PTPRM: variants seen among roughly 807,000 people sequenced by gnomAD.
PTPRM encodes receptor-type tyrosine-protein phosphatase mu.
In PTPRM, 47 loss-of-function variants were observed where a neutral mutation model predicts 186.7. The observed-to-expected ratio is 0.25, with a 90% CI of 0.20 to 0.32. The LOEUF is 0.32. Ranked by LOEUF, PTPRM falls within the 10% of genes least tolerant of loss-of-function variation. The probability of loss-of-function intolerance (pLI) is 1.00; values close to 1 mark genes in which losing one functional copy is unlikely to be tolerated. For synonymous variants in PTPRM, 668 were observed against 674.9 expected (o/e 0.99, Z 0.16); for missense variants, 1,494 against 1,865.0 (o/e 0.80, Z 3.66).
Position 7,949,155 on chromosome 18 carries a change from T to G in PTPRM, c.664-26T>G, listed in dbSNP as rs773146960. On this transcript the variant is annotated intron_variant, in intron 5 of 32. Coordinates refer to ENST00000580170, the MANE Select transcript of PTPRM (RefSeq NM_001105244.2). Reference sequence around the variant, plus strand: ...TCTGACAGCTTATATTGCTTCTTTTTGTCCTCCCCACCCCACTTGATACAG... The same window carrying G: ...TCTGACAGCTTATATTGCTTCTTTTGGTCCTCCCCACCCCACTTGATACAG... 3 of 1,548,800 alleles carry G rather than the reference T, an allele frequency of 1.9e-6. No individual in the cohort carries two copies. The East Asian group carries it at 6.8e-5, about 35-fold the overall frequency.
chr18:7,646,534 C>G (rs910062032), intron 1 of PTPRM, among the ~76,000 whole-genome samples: 6 of 152,178 alleles, frequency 3.9e-5, no homozygotes, highest in Admixed American at 1.3e-4. Context: ...TGACTTATCT[C>G]TCGTATACTG....
At chr18:8,210,290 G>A (rs764924533) in intron 14 of PTPRM, among the ~76,000 whole-genome samples, 20 of 152,184 alleles carry the variant, frequency 1.3e-4, no homozygotes, top group South Asian at 8.3e-4. Flanking sequence ...CAGCCAAGGC[G>A]ACAGAGAGAG....
In PTPRM at chr18:8,380,576, G is replaced by A. The variant is rs79892260; in HGVS notation, c.3918+149G>A. 2,306 of 937,844 alleles carry A rather than the reference G, an allele frequency of 2.5e-3. 32 individuals carry two copies. In the African/African-American group the frequency reaches 0.034, roughly 14 times the overall value. The allele number at this position is 937,844 out of a possible 1,614,324, so 58.1% of individuals were successfully genotyped here. A position where few individuals can be genotyped will look rare whatever the true frequency, so the allele number is the denominator to read the frequency against. ...GAGAACTGGGGATGCTGAACACAAC[G>A]GTTAAAAATCAGGCGGAATTAGGGG... On this transcript the variant is annotated intron_variant, in intron 29 of 32. Coordinates refer to ENST00000580170, the MANE Select transcript of PTPRM (RefSeq NM_001105244.2).
At chr18:8,182,569 A>G (rs1219276534) in intron 14 of PTPRM, among the ~76,000 whole-genome samples, 5 of 152,254 alleles carry the variant, frequency 3.3e-5, no homozygotes, top group Admixed American at 3.3e-4. Context: ...CTTTTCAGAT[A>G]TATAGATGTC....
chr18:7,776,947 A>C (rs147299938), intron 2 of PTPRM, among the ~76,000 whole-genome samples: 2 of 150,076 alleles, frequency 1.3e-5, no homozygotes, highest in East Asian at 4.0e-4. Context: ...ATAAGTTTTA[A>C]ATGCTTCTTA....
intron 19 of PTPRM, among the ~76,000 whole-genome samples, chr18:8,260,418 C>A (rs73394099): frequency 0.017 from 2,553 of 152,200 alleles, 68 homozygotes; most frequent in African/African-American, 0.059. Context: ...CCCACCTCAG[C>A]CCCACAAAGT....
Position 7,977,459 on chromosome 18 carries a change from A to G in PTPRM, c.1132+22045A>G, listed in dbSNP as rs143192776. Among the ~76,000 whole-genome samples the G allele has an allele frequency of 4.5e-4, 69 of 152,190 alleles. No individual in the cohort carries two copies. In the East Asian group the frequency reaches 0.013, roughly 29 times the overall value. On this transcript the variant is annotated intron_variant, in intron 7 of 32. Transcript: ENST00000580170. Reference sequence around the variant, plus strand: ...CCTCACACGTGCACACCTTGCAAGCAGAGGCACCGATGGCCTTTGTTCTGG... The same window carrying G: ...CCTCACACGTGCACACCTTGCAAGCGGAGGCACCGATGGCCTTTGTTCTGG...
At chr18:8,158,351 C>G (rs1307362336) in intron 14 of PTPRM, among the ~76,000 whole-genome samples, 1 of 152,114 alleles carries the variant, frequency 6.6e-6, no homozygotes, top group Non-Finnish European at 1.5e-5. Context: ...TGTTTTGATT[C>G]ATGTTGATGT....
At chr18:8,132,909 T>C (rs1319751897) in intron 13 of PTPRM, among the ~76,000 whole-genome samples, 4 of 152,190 alleles carry the variant, frequency 2.6e-5, no homozygotes, top group African/African-American at 9.6e-5. Flanking sequence ...GATTTTGTCT[T>C]AGTCTGTTTT....
chr18:7,677,577 G>C (rs2039374472), intron 1 of PTPRM, among the ~76,000 whole-genome samples: 1 of 152,076 alleles, frequency 6.6e-6, no homozygotes, highest in South Asian at 2.1e-4. Flanking sequence ...CTGAGTTCTT[G>C]GTACACGTGG....
At chr18:7,972,374 G>A (rs2054589476) in intron 7 of PTPRM, among the ~76,000 whole-genome samples, 1 of 128,498 alleles carries the variant, frequency 7.8e-6, no homozygotes, top group Non-Finnish European at 1.6e-5. Flanking sequence ...TGACGATTTA[G>A]TGGGTGCAGC....
chr18:8,279,821 C>T (rs760068521), intron 19 of PTPRM, among the ~76,000 whole-genome samples: 1 of 152,206 alleles, frequency 6.6e-6, no homozygotes, highest in Non-Finnish European at 1.5e-5. Flanking sequence ...CCTAAGATGA[C>T]ATCCCCAGAA....
chr18:8,263,861 G>A (rs913751931), intron 19 of PTPRM, among the ~76,000 whole-genome samples: 1 of 152,214 alleles, frequency 6.6e-6, no homozygotes, highest in East Asian at 1.9e-4. Flanking sequence ...TGTTCGTGTG[G>A]TTGCTTGCCT....
At chr18:8,279,590 T>C (rs1421563888) in intron 19 of PTPRM, among the ~76,000 whole-genome samples, 1 of 152,176 alleles carries the variant, frequency 6.6e-6, no homozygotes, top group Admixed American at 6.5e-5. Context: ...TTAATCAGCA[T>C]ATCACAGGTC....
intron 14 of PTPRM, among the ~76,000 whole-genome samples, chr18:8,157,218 A>C (rs1455380228): frequency 6.6e-6 from 1 of 152,220 alleles, no homozygotes; most frequent in Non-Finnish European, 1.5e-5. Flanking sequence ...TAGTTCTTAC[A>C]TCATAAAATG....
At chr18:8,176,802 A>G (rs943463204) in intron 14 of PTPRM, among the ~76,000 whole-genome samples, 4 of 152,186 alleles carry the variant, frequency 2.6e-5, no homozygotes, top group African/African-American at 9.7e-5. Flanking sequence ...AGGGAAGTCA[A>G]CCTCGGCAAT....
At chr18:7,826,651 A>G (rs528582062) in intron 2 of PTPRM, among the ~76,000 whole-genome samples, 1 of 152,384 alleles carries the variant, frequency 6.6e-6, no homozygotes, top group South Asian at 2.1e-4. Context: ...CAATAATGAA[A>G]GTACCATTTG....
intron 1 of PTPRM, among the ~76,000 whole-genome samples, chr18:7,706,615 A>G (rs917272284): frequency 6.7e-6 from 1 of 148,948 alleles, no homozygotes; most frequent in Non-Finnish European, 1.5e-5. Flanking sequence ...AAAAAAAAAA[A>G]AAAAAAAAAA....
chr18:7,769,573 T>A (rs1391098495), intron 1 of PTPRM, among the ~76,000 whole-genome samples: 1 of 152,204 alleles, frequency 6.6e-6, no homozygotes, highest in Non-Finnish European at 1.5e-5. Context: ...TTTTAAAAAA[T>A]TTTTTGGTGG....
Sources: gnomAD v4.1 joint callset for allele counts (sites outside exome capture counted in the v4.1 genomes callset) on GRCh38, gnomAD v4.1.1 for gene constraint, MANE v1.5 for transcripts, NCBI Gene and HGNC (gene_info 2026-07-23, HGNC 2026-07-21) for gene names.